Variants in NEDD4 observed in about 807,000 individuals in gnomAD.
NEDD4 encodes the protein E3 ubiquitin-protein ligase NEDD4.
In NEDD4, 99 loss-of-function variants were observed where a neutral mutation model predicts 144.9. That is an observed-to-expected ratio of 0.68 (90% CI 0.58 to 0.81). The LOEUF is 0.81. Ranked by LOEUF, NEDD4 falls within the 30% of genes least tolerant of loss-of-function variation. NEDD4 has a pLI of 0.00. For missense variants in NEDD4, 985 were observed against 1,065.9 expected (o/e 0.92, Z 1.06); for synonymous variants, 318 against 350.6 (o/e 0.91, Z 1.04).
intron 4 of NEDD4, among the ~76,000 whole-genome samples, chr15:55,929,601 C>G (rs1213529548): frequency 6.6e-6 from 1 of 151,996 alleles, no homozygotes. Context: ...TTTTCTGTTC[C>G]TGTAAGCATC....
chr15:55,852,171 C>T (rs750130339), intron 13 of NEDD4, among the ~76,000 whole-genome samples: 8 of 151,900 alleles, frequency 5.3e-5, no homozygotes, highest in Non-Finnish European at 1.0e-4. Flanking sequence ...TGGCGGGCAC[C>T]TGTAATCCCA....
intron 2 of NEDD4, among the ~76,000 whole-genome samples, chr15:55,963,599 C>A (rs2037461967): frequency 6.6e-6 from 1 of 152,132 alleles, no homozygotes; most frequent in African/African-American, 2.4e-5. Context: ...CATTCACCAA[C>A]AATATAAATC....
intron 9 of NEDD4, among the ~76,000 whole-genome samples, chr15:55,862,557 A>C (rs2034446647): frequency 6.6e-6 from 1 of 152,150 alleles, no homozygotes; most frequent in African/African-American, 2.4e-5. Context: ...AGTACTATAG[A>C]AATTAACATT....
At chr15:55,904,969 G>A (rs1485375235) in intron 5 of NEDD4, among the ~76,000 whole-genome samples, 5 of 151,930 alleles carry the variant, frequency 3.3e-5, no homozygotes, top group Admixed American at 6.6e-5. Flanking sequence ...GCACATGCCT[G>A]TAATCCCAGC....
intron 5 of NEDD4, among the ~76,000 whole-genome samples, chr15:55,876,042 A>G (rs1455812411): frequency 6.6e-6 from 1 of 152,222 alleles, no homozygotes; most frequent in African/African-American, 2.4e-5. Context: ...GAGAATAAGA[A>G]TACAAATAAT....
At chr15:55,899,793 A>G (rs1027460750) in intron 5 of NEDD4, among the ~76,000 whole-genome samples, 1 of 152,234 alleles carries the variant, frequency 6.6e-6, no homozygotes, top group African/African-American at 2.4e-5. Flanking sequence ...GGAGCCAGTG[A>G]TCACATGTAG....
At chr15:55,907,108 T>A (rs1048827903) in intron 5 of NEDD4, among the ~76,000 whole-genome samples, 4 of 149,934 alleles carry the variant, frequency 2.7e-5, no homozygotes, top group Admixed American at 2.0e-4. Flanking sequence ...TAAAAAAAAA[T>A]AAAAATAAAA....
chr15:55,988,424 T>A, intron 1 of NEDD4, among the ~76,000 whole-genome samples: 1 of 124,678 alleles, frequency 8.0e-6, no homozygotes, highest in Non-Finnish European at 1.6e-5. Flanking sequence ...TGTATACATA[T>A]GTAACTAACC....
intron 2 of NEDD4, among the ~76,000 whole-genome samples, chr15:55,957,506 T>A (rs574477899): frequency 6.6e-6 from 1 of 152,164 alleles, no homozygotes; most frequent in Non-Finnish European, 1.5e-5. Context: ...TGAATGGGTG[T>A]TGAATTTTGT....
Position 55,923,975 on chromosome 15 carries a change from T to C in NEDD4, c.291+671A>G, listed in dbSNP as rs1271919943. Reference sequence around the variant, plus strand: ...GTTCAAATCTTACAGGTTTAAAATATAGATGTAAGATGCTAAGATGAGGGT... The same window carrying C: ...GTTCAAATCTTACAGGTTTAAAATACAGATGTAAGATGCTAAGATGAGGGT... On this transcript the variant is annotated intron_variant, in intron 5 of 28. Coordinates refer to ENST00000435532, the MANE Select transcript of NEDD4 (RefSeq NM_006154.4). Among the ~76,000 whole-genome samples the C allele has an allele frequency of 2.0e-5, 3 of 152,240 alleles. No homozygotes were observed. The East Asian group carries it at 5.8e-4, about 29-fold the overall frequency.
At chr15:55,949,194 G>A (rs2037183088) in intron 4 of NEDD4, among the ~76,000 whole-genome samples, 1 of 152,174 alleles carries the variant, frequency 6.6e-6, no homozygotes, top group South Asian at 2.1e-4. Flanking sequence ...AAAAACACAT[G>A]TAAAAATGCT....
At chr15:55,982,849 T>C (rs917035696) in intron 1 of NEDD4, among the ~76,000 whole-genome samples, 8 of 151,802 alleles carry the variant, frequency 5.3e-5, no homozygotes, top group African/African-American at 1.9e-4. Flanking sequence ...GGGCTGGGGG[T>C]GGTGGCTCAC....
intron 19 of NEDD4, among the ~76,000 whole-genome samples, chr15:55,841,048 C>G (rs1415042587): frequency 6.6e-6 from 1 of 152,134 alleles, no homozygotes; most frequent in Non-Finnish European, 1.5e-5. Flanking sequence ...ATTCTCCTGT[C>G]TCAGCCTCCC....
intron 22 of NEDD4, 95 bp from the exon 23 acceptor site, chr15:55,838,275 A>C (rs1317423551): frequency 1.1e-6 from 1 of 896,520 alleles, no homozygotes; most frequent in Non-Finnish European, 1.7e-6. Context: ...GGTGTTTTAA[A>C]TTAAGTCCAG....
intron 1 of NEDD4, among the ~76,000 whole-genome samples, chr15:55,973,458 T>G (rs1160343638): frequency 2.0e-5 from 3 of 152,100 alleles, no homozygotes; most frequent in Non-Finnish European, 4.4e-5. Context: ...GAGGATCACT[T>G]GAGCCCAAGA....
At chr15:55,883,568 C>T (rs1253253196) in intron 5 of NEDD4, among the ~76,000 whole-genome samples, 4 of 152,024 alleles carry the variant, frequency 2.6e-5, no homozygotes, top group African/African-American at 9.7e-5. Flanking sequence ...TTACAGCAGG[C>T]CTTGGGCGAG....
At chr15:55,908,201 T>C (rs74015332) in intron 5 of NEDD4, among the ~76,000 whole-genome samples, 2,840 of 152,304 alleles carry the variant, frequency 0.019, 100 homozygotes, top group African/African-American at 0.066. Flanking sequence ...TTAATAAATA[T>C]CTATTAAGTG....
chr15:55,935,371 G>A (rs1346995435), intron 4 of NEDD4, among the ~76,000 whole-genome samples: 2 of 152,078 alleles, frequency 1.3e-5, no homozygotes, highest in Admixed American at 6.6e-5. Context: ...GGGTGACTAT[G>A]TCTGTCAGGG....
chr15:55,892,311 A>C (rs1158917189), intron 5 of NEDD4, among the ~76,000 whole-genome samples: 2 of 102,214 alleles, frequency 2.0e-5, no homozygotes, highest in Non-Finnish European at 4.3e-5. Context: ...TAAATAAATA[A>C]ATAAATAAAT....
Sources: gnomAD v4.1 joint callset for allele counts (sites outside exome capture counted in the v4.1 genomes callset) on GRCh38, gnomAD v4.1.1 for gene constraint, MANE v1.5 for transcripts, NCBI Gene and HGNC (gene_info 2026-07-23, HGNC 2026-07-21) for gene names.